KCNN3: variants seen among roughly 807,000 people sequenced by gnomAD.
KCNN3 encodes the protein potassium calcium-activated channel subfamily N member 3.
KCNN3 carries 16 observed loss-of-function variants against 62.9 expected under a neutral mutation model. That is an observed-to-expected ratio of 0.25 (90% CI 0.17 to 0.39). The LOEUF is 0.39. KCNN3 is among the 10% of genes least tolerant of loss of function. The pLI is 1.00. For missense variants in KCNN3, 599 were observed against 949.4 expected, an observed-to-expected ratio of 0.63 and a Z score of 4.85; for synonymous variants, 370 against 389.2, an observed-to-expected ratio of 0.95 and a Z score of 0.58.
chr1:154,810,318 G>C (rs1018760326), intron 2 of KCNN3, among the ~76,000 whole-genome samples: 2 of 152,188 alleles, frequency 1.3e-5, no homozygotes, highest in Non-Finnish European at 2.9e-5. Context: ...GTCTGATCCT[G>C]AGGGCCTGGG....
Position 154,869,282 on chromosome 1 carries a change from T to C in KCNN3, c.683A>G (p.His228Arg). ...EIVISSREDNHAHQTLLHHPN... is the reference protein window; with the variant it reads ...EIVISSREDNRAHQTLLHHPN... ...GTGATGGAGCAGGGTCTGGTGGGCA[T>C]GGTTGTCCTCCCGGGAGGAGATGAC... Residue 228 changes from histidine (H) to arginine (R), a missense_variant, in exon 1 of 8, where the codon CAT becomes CGT. This residue lies in a region of KCNN3 where 80 missense variants were observed against 85.4 expected (regional missense o/e 0.94). Transcript: ENST00000271915. The surrounding 1 kb of genome is among the most constrained non-coding windows in gnomAD (Gnocchi z 6.1). 6.2e-7 allele frequency: 1 copy of C among 1,613,594 alleles called. No individual in the cohort carries two copies. Among genetic ancestry groups the C allele is most frequent in the Non-Finnish European group, 8.5e-7 (1 of 1,179,828 alleles).
chr1:154,788,647 G>A lies in KCNN3; in HGVS notation c.1030-16254C>T, dbSNP rs145126780. ...AAATACTCCCCTGCCTTCCTGAACT[G>A]ACTCCACGGAGCACAGCCCACGCCG... On this transcript the variant is annotated intron_variant, in intron 2 of 7. Coordinates refer to ENST00000271915, the MANE Select transcript of KCNN3 (RefSeq NM_002249.6). Among the ~76,000 whole-genome samples the A allele has an allele frequency of 1.3e-3, 196 of 152,204 alleles. 1 individual carries two copies. The highest frequency in any genetic ancestry group is 3.9e-3 in the African/African-American group (164 of 41,546).
At chr1:154,805,620 C>T (rs1650143100) in intron 2 of KCNN3, among the ~76,000 whole-genome samples, 1 of 152,158 alleles carries the variant, frequency 6.6e-6, no homozygotes, top group African/African-American at 2.4e-5. Flanking sequence ...TGTTTGGGGC[C>T]ATTCTGTGGG....
At chr1:154,800,792 C>A (rs1649922920) in intron 2 of KCNN3, among the ~76,000 whole-genome samples, 1 of 152,190 alleles carries the variant, frequency 6.6e-6, no homozygotes, top group Admixed American at 6.5e-5. Flanking sequence ...CGCCTGTAAT[C>A]CCAGCACTTT....
In KCNN3 at chr1:154,701,314, C is replaced by T. The variant is rs1291269971; in HGVS notation, c.*6662G>A. ...GACACATAGGCTCAGTTAATCTGCC[C>T]CGATGCAACCTGGTTTGCACCTGTA... On this transcript the variant is annotated 3_prime_UTR_variant, in exon 8 of 8. Transcript: ENST00000271915. 1 of 152,148 alleles carries T rather than the reference C, an allele frequency of 6.6e-6. No homozygotes were observed. Among genetic ancestry groups the T allele is most frequent in the African/African-American group, 2.4e-5 (1 of 41,436 alleles). 9.4% of individuals were successfully genotyped at this position (152,148 alleles called of 1,614,324 possible).
chr1:154,714,115 GGTGTGTGTGGGTT>G (rs1251047990), intron 6 of KCNN3, among the ~76,000 whole-genome samples: 1 of 16,140 alleles, frequency 6.2e-5, no homozygotes, highest in Non-Finnish European at 1.4e-4. Flanking sequence ...TGTGTGATGT[GGTGTGTGTGGGTT>G]GTGTGTGTGG....
At chr1:154,721,209 G>T (rs551086859) in intron 5 of KCNN3, among the ~76,000 whole-genome samples, 19 of 152,164 alleles carry the variant, frequency 1.2e-4, no homozygotes, top group African/African-American at 4.3e-4. Flanking sequence ...GTGGAGAGTA[G>T]GTACCGCAAA....
chr1:154,713,654 C>T, intron 6 of KCNN3, 121 bp from the exon 7 acceptor site: 2 of 785,604 alleles, frequency 2.5e-6, no homozygotes, highest in Non-Finnish European at 4.4e-6. Context: ...GGACCGTGAA[C>T]CTGGGGAACA....
At chr1:154,765,900 A>T (rs1244882516) in intron 3 of KCNN3, among the ~76,000 whole-genome samples, 2 of 150,760 alleles carry the variant, frequency 1.3e-5, no homozygotes, top group Non-Finnish European at 3.0e-5. Flanking sequence ...ACCTGCTTTG[A>T]CCTCCCAAAG....
rs371625269 is a variant in KCNN3 at position 154,767,821 on chromosome 1, C to T, written c.1448+4154G>A. Among the ~76,000 whole-genome samples, 58 of 152,326 alleles carry T rather than the reference C, an allele frequency of 3.8e-4. No individual in the cohort carries two copies. In the South Asian group the frequency reaches 8.3e-3, roughly 22 times the overall value. ...GCCCTCCCAGCAACCAGGCGCTGCCCTCCCCATGGCACGGCTGTTCTGCGT... is the reference window on the plus strand; with the variant it reads ...GCCCTCCCAGCAACCAGGCGCTGCCTTCCCCATGGCACGGCTGTTCTGCGT... On this transcript the variant is annotated intron_variant, in intron 3 of 7. Coordinates refer to ENST00000271915, the MANE Select transcript of KCNN3 (RefSeq NM_002249.6).
intron 1 of KCNN3, among the ~76,000 whole-genome samples, chr1:154,844,324 CCTT>C (rs1321490357): frequency 1.3e-5 from 2 of 152,208 alleles, no homozygotes; most frequent in African/African-American, 2.4e-5. Context: ...GATTTTCTGT[CCTT>C]CTTTCATTAG....
intron 3 of KCNN3, chr1:154,771,769 T>C: frequency 1.6e-6 from 1 of 636,452 alleles, no homozygotes. Flanking sequence ...TGTGCCTTTT[T>C]CCCACCTTAC....
chr1:154,860,763 C>A (rs1468015378), intron 1 of KCNN3, among the ~76,000 whole-genome samples: 1 of 152,176 alleles, frequency 6.6e-6, no homozygotes, highest in African/African-American at 2.4e-5. Flanking sequence ...TCTTGATGCT[C>A]CAGGTGGCAT....
intron 1 of KCNN3, chr1:154,867,949 C>T (rs1653017099): frequency 1.0e-6 from 1 of 985,306 alleles, no homozygotes. Flanking sequence ...AGAAACCCAC[C>T]TTCCTCCATC....
chr1:154,778,491 G>T (rs1648882745), intron 2 of KCNN3, among the ~76,000 whole-genome samples: 1 of 152,116 alleles, frequency 6.6e-6, no homozygotes, highest in Non-Finnish European at 1.5e-5. Flanking sequence ...ACCAGAGGGG[G>T]CAGCTTGCAG....
intron 3 of KCNN3, among the ~76,000 whole-genome samples, 165 bp from the exon 4 acceptor site, chr1:154,733,309 G>C (rs1404877655): frequency 6.6e-6 from 1 of 152,286 alleles, no homozygotes; most frequent in Non-Finnish European, 1.5e-5. Context: ...GGCTGCAACT[G>C]TGCCCACCCA....
chr1:154,729,310 G>C (rs1700541181), intron 4 of KCNN3, among the ~76,000 whole-genome samples: 1 of 152,164 alleles, frequency 6.6e-6, no homozygotes, highest in African/African-American at 2.4e-5. Context: ...GATGTGCTCT[G>C]TCCAACTTCC....
Position 154,702,730 on chromosome 1 carries a change from T to C in KCNN3, c.*5246A>G, listed in dbSNP as rs1207723961. 2.2e-5 allele frequency: 3 copies of C among 136,244 alleles called. No homozygotes were observed. The Admixed American group carries it at 2.2e-4, about 10-fold the overall frequency. The allele number at this position is 136,244 out of a possible 1,614,324, so 8.4% of individuals were successfully genotyped here. On this transcript the variant is annotated 3_prime_UTR_variant, in exon 8 of 8. Transcript: ENST00000271915. ...ATATATATATATATATATATATATATATATATATATATATATATGTACTTT... is the reference window on the plus strand; with the variant it reads ...ATATATATATATATATATATATATACATATATATATATATATATGTACTTT...
intron 1 of KCNN3, among the ~76,000 whole-genome samples, chr1:154,836,326 G>A (rs1400241032): frequency 6.6e-6 from 1 of 152,202 alleles, no homozygotes; most frequent in Non-Finnish European, 1.5e-5. Flanking sequence ...CCTGATACTC[G>A]ACTGGCCTTA....
Sources: allele counts gnomAD v4.1 joint callset (sites outside exome capture counted in the v4.1 genomes callset), GRCh38; gene constraint gnomAD v4.1.1; regional missense constraint gnomAD v4.1.1; non-coding constraint Gnocchi (gnomAD v3.1); transcripts MANE v1.5; gene names NCBI Gene and HGNC (gene_info 2026-07-23, HGNC 2026-07-21).